Variants in SPATA13 observed in about 807,000 individuals in gnomAD.
SPATA13 encodes the protein spermatogenesis-associated protein 13.
In SPATA13, 50 loss-of-function variants were observed where a neutral mutation model predicts 104.0. The observed-to-expected ratio is 0.48, with a 90% CI of 0.38 to 0.61. SPATA13 has a LOEUF of 0.61. SPATA13 is among the 20% of genes least tolerant of loss of function. The pLI, the probability that SPATA13 is intolerant of heterozygous loss-of-function variation, is 0.00. For missense variants in SPATA13, 1,524 were observed against 1,690.6 expected (o/e 0.90, Z 1.73); for synonymous variants, 606 against 667.5 (o/e 0.91, Z 1.42).
At chr13:24,085,350 T>C (rs1316203611) in intron 3 of SPATA13, among the ~76,000 whole-genome samples, 1 of 152,136 alleles carries the variant, frequency 6.6e-6, no homozygotes, top group African/African-American at 2.4e-5. Flanking sequence ...TAGTCTCTGA[T>C]TCCTTACTTC....
chr13:24,082,838 A>T (rs1347224974), intron 3 of SPATA13, among the ~76,000 whole-genome samples: 1 of 150,330 alleles, frequency 6.7e-6, no homozygotes. Flanking sequence ...AAAAAAAAAA[A>T]AAAAAAAAAA....
intron 3 of SPATA13, among the ~76,000 whole-genome samples, chr13:24,147,741 A>C (rs1193990873): frequency 2.0e-5 from 3 of 150,734 alleles, no homozygotes; most frequent in African/African-American, 7.3e-5. Context: ...TACCCATTAA[A>C]CATTAACTCC....
In SPATA13 at chr13:24,259,277, G is replaced by A. The variant is rs146799791; in HGVS notation, c.2164+7415G>A. ...GCATCTTTCTGCTGCTGTCTGCAGG[G>A]AGGGGGCAGAGCAAGGGGCTTCCAC... On this transcript the variant is annotated intron_variant, in intron 4 of 12. Transcript: ENST00000382108. 6.9e-3 allele frequency among the ~76,000 whole-genome samples: 1,054 copies of A among 152,352 alleles called. 7 individuals are homozygous for A. Among genetic ancestry groups the A allele is most frequent in the Middle Eastern group, 0.014 (4 of 294 alleles).
At chr13:24,128,158 C>A (rs771083909) in intron 3 of SPATA13, among the ~76,000 whole-genome samples, 5 of 152,122 alleles carry the variant, frequency 3.3e-5, no homozygotes, top group Non-Finnish European at 5.9e-5. Flanking sequence ...AAGAAAGCAC[C>A]TTCTACAGGC....
intron 1 of SPATA13, among the ~76,000 whole-genome samples, chr13:24,201,610 T>C (rs2138572071): frequency 6.6e-6 from 1 of 152,166 alleles, no homozygotes; most frequent in South Asian, 2.1e-4. Context: ...TCAGCTAATT[T>C]TTGTGTTTTT....
chr13:24,087,634 A>T (rs1362239990), intron 3 of SPATA13, among the ~76,000 whole-genome samples: 1 of 152,220 alleles, frequency 6.6e-6, no homozygotes, highest in African/African-American at 2.4e-5. Context: ...ACAGGAATGA[A>T]GATGGAATTG....
At position 24,272,438 on chromosome 13, in the gene SPATA13, A is replaced by G. The variant is rs533069080; in HGVS notation, c.2165-11697A>G. On this transcript the variant is annotated intron_variant, in intron 4 of 12. Transcript: ENST00000382108. ...TATATGCGCTATACTGAGTGAATAC[A>G]TGTAATAAAATGACAACAAGCACCA... is the stretch of plus-strand genomic sequence containing the variant. Among the ~76,000 whole-genome samples the G allele has an allele frequency of 1.7e-3, 256 of 152,354 alleles. 1 individual carries two copies. Among genetic ancestry groups the G allele is most frequent in the African/African-American group, 5.8e-3 (240 of 41,584 alleles).
chr13:23,989,011 TTTA>T (rs2137656064), intron 2 of SPATA13, among the ~76,000 whole-genome samples: 2 of 152,232 alleles, frequency 1.3e-5, no homozygotes, highest in East Asian at 3.9e-4. Flanking sequence ...GACAGTAGGT[TTTA>T]TTAAGGGGAG....
In SPATA13 at chr13:24,051,529, T is replaced by C. The variant is rs1878338963; in HGVS notation, c.-112+33828T>C. ...ACACCCAACCCTTAGGGGAGGAGAT[T>C]ATGCCCAGTGGGTGGTCCATAGAAG... On this transcript the variant is annotated intron_variant, in intron 3 of 14. Transcript: ENST00000424834. This position sits in a 1 kb window ranked among gnomAD's most constrained non-coding sequence, Gnocchi z 4.2. Among the ~76,000 whole-genome samples the C allele has an allele frequency of 6.6e-6, 1 of 152,250 alleles. No homozygotes were observed.
At position 24,286,691 on chromosome 13, in the gene SPATA13, G is replaced by A; in HGVS notation, c.2482-74G>A. 1.4e-6 allele frequency: 2 copies of A among 1,410,388 alleles called. No individual in the cohort carries two copies. Among genetic ancestry groups the A allele is most frequent in the Non-Finnish European group, 1.9e-6 (2 of 1,030,140 alleles). The allele number at this position is 1,410,388 out of a possible 1,614,324, so 87.4% of individuals were successfully genotyped here. A position where few individuals can be genotyped will look rare whatever the true frequency, so the allele number is the denominator to read the frequency against. ...ACAGGTCACAGGAAAGTAGGAACCT[G>A]GGAGGTCTCCTGCCTCTGCTCCATG... On this transcript the variant is annotated intron_variant, in intron 6 of 12. Coordinates refer to ENST00000382108, the MANE Select transcript of SPATA13 (RefSeq NM_001166271.3). This position sits in a 1 kb window ranked among gnomAD's most constrained non-coding sequence, Gnocchi z 4.9.
At chr13:24,190,263 A>ATC (rs1566141521) in intron 1 of SPATA13, among the ~76,000 whole-genome samples, 1 of 1,568 alleles carries the variant, frequency 6.4e-4, no homozygotes, top group African/African-American at 1.3e-3. Context: ...TAATATACAT[A>ATC]ATATATATTA....
At chr13:24,140,010 A>G (rs554927205) in intron 3 of SPATA13, among the ~76,000 whole-genome samples, 93 of 150,894 alleles carry the variant, frequency 6.2e-4, no homozygotes, top group Non-Finnish European at 1.0e-3. Flanking sequence ...GGAGCTTGGC[A>G]GTGAGCCAAG....
chr13:23,981,081 A>G (rs1014710708), intron 1 of SPATA13, among the ~76,000 whole-genome samples: 1 of 152,232 alleles, frequency 6.6e-6, no homozygotes, highest in Non-Finnish European at 1.5e-5. Flanking sequence ...TAAAGCCGGT[A>G]GCAGTACTAA....
chr13:24,181,416 A>G (rs1331247540), intron 1 of SPATA13, among the ~76,000 whole-genome samples: 1 of 151,804 alleles, frequency 6.6e-6, no homozygotes, highest in Admixed American at 6.6e-5. Flanking sequence ...ACACAAATAT[A>G]TTATACAGCT....
At chr13:24,165,273 T>C (rs1047796048) in intron 1 of SPATA13, among the ~76,000 whole-genome samples, 9 of 152,158 alleles carry the variant, frequency 5.9e-5, no homozygotes, top group Admixed American at 2.0e-4. Flanking sequence ...TGCCTCAGAC[T>C]GTCTCCCACC....
chr13:24,014,124 G>C (rs1451211286), intron 2 of SPATA13, among the ~76,000 whole-genome samples: 3 of 152,200 alleles, frequency 2.0e-5, no homozygotes, highest in African/African-American at 4.8e-5. Context: ...GGTCAGCAGG[G>C]CCATGCTCCT....
chr13:24,045,946 T>A (rs1178119587), intron 3 of SPATA13, among the ~76,000 whole-genome samples: 1 of 152,220 alleles, frequency 6.6e-6, no homozygotes, highest in Non-Finnish European at 1.5e-5. Flanking sequence ...ATGTGAACAA[T>A]TAAAGTGATT....
chr13:24,234,973 T>C (rs1481832296), intron 2 of SPATA13, among the ~76,000 whole-genome samples: 2 of 152,148 alleles, frequency 1.3e-5, no homozygotes, highest in African/African-American at 4.8e-5. Context: ...TCTTAAAAAA[T>C]TGGGATTATA....
intron 3 of SPATA13, among the ~76,000 whole-genome samples, chr13:24,022,008 G>T (rs1362887570): frequency 1.3e-5 from 2 of 151,484 alleles, no homozygotes; most frequent in African/African-American, 4.9e-5. Flanking sequence ...ACTGCGCCCG[G>T]CCAGTTGTTG....
Sources: allele counts gnomAD v4.1 joint callset (sites outside exome capture counted in the v4.1 genomes callset), GRCh38; gene constraint gnomAD v4.1.1; non-coding constraint Gnocchi (gnomAD v3.1); transcripts MANE v1.5; gene names NCBI Gene and HGNC (gene_info 2026-07-23, HGNC 2026-07-21).